The following CCDC146 variants were observed in gnomAD, a reference collection of about 807,000 sequenced individuals.
The protein encoded by CCDC146 is coiled-coil domain-containing protein 146.
In CCDC146, 92 loss-of-function variants were observed where a neutral mutation model predicts 119.3. The observed-to-expected ratio is 0.77, with a 90% CI of 0.65 to 0.92. CCDC146 has a LOEUF of 0.92. Ranked by LOEUF, CCDC146 falls within the 40% of genes least tolerant of loss-of-function variation. CCDC146 has a pLI of 0.00. For synonymous variants in CCDC146, 372 were observed against 371.8 expected (o/e 1.00, Z -0.01); for missense variants, 1,000 against 1,103.0 (o/e 0.91, Z 1.32).
chr7:77,156,866 T>C (rs915680137), intron 1 of CCDC146, among the ~76,000 whole-genome samples: 6 of 151,674 alleles, frequency 4.0e-5, no homozygotes, highest in Non-Finnish European at 8.8e-5. Context: ...GAGCCTTAAA[T>C]TTTATAGACT....
At chr7:77,152,357 G>A (rs931340224) in intron 1 of CCDC146, among the ~76,000 whole-genome samples, 4 of 152,144 alleles carry the variant, frequency 2.6e-5, no homozygotes, top group African/African-American at 9.7e-5. Context: ...TTGAGTAAGG[G>A]ATGCTGCCCC....
intron 5 of CCDC146, 65 bp from the exon 6 acceptor site, chr7:77,256,268 C>T: frequency 8.4e-7 from 1 of 1,190,342 alleles, no homozygotes; most frequent in Non-Finnish European, 1.2e-6. Context: ...AGTTTTAGTT[C>T]AGTTTTTAGG....
chr7:77,241,843 A>G lies in CCDC146; in HGVS notation c.392A>G (p.Gln131Arg). ...ATGAGAGAACAACTTCTCAAGTATC[A>G]AAATGAATATAATGCAGTGAAGGAA... The part of the protein sequence containing the change: ...SKMREQLLKY[Q>R]NEYNAVKERE... The change falls in exon 4 of 19, where the codon CAA (glutamine) becomes CGA (arginine). Residue 131 changes from glutamine to arginine, a missense_variant. Gln to Arg is a conservative substitution (Grantham distance 43). This residue lies in a region of CCDC146 where 985 missense variants were observed against 1,045.3 expected (regional missense o/e 0.94). Coordinates refer to ENST00000285871, the MANE Select transcript of CCDC146 (RefSeq NM_020879.3). The G allele has an allele frequency of 1.2e-6, 2 of 1,614,110 alleles. No homozygotes were observed. Among genetic ancestry groups the G allele is most frequent in the Non-Finnish European group, 1.7e-6 (2 of 1,179,992 alleles).
chr7:77,271,374 G>T (rs966912096), intron 9 of CCDC146, among the ~76,000 whole-genome samples: 1 of 151,300 alleles, frequency 6.6e-6, no homozygotes, highest in Non-Finnish European at 1.5e-5. Context: ...AGTTTCTTCA[G>T]TTTTGGGACT....
intron 2 of CCDC146, among the ~76,000 whole-genome samples, chr7:77,212,787 A>C (rs1478999094): frequency 1.3e-5 from 2 of 152,064 alleles, no homozygotes; most frequent in African/African-American, 4.8e-5. Flanking sequence ...CTACATGGCA[A>C]GAGGTAAGGT....
At chr7:77,210,266 T>C (rs1332355177) in intron 2 of CCDC146, among the ~76,000 whole-genome samples, 3 of 152,356 alleles carry the variant, frequency 2.0e-5, no homozygotes, top group East Asian at 1.9e-4. Flanking sequence ...GTTTTGCTGC[T>C]TAGAAGTTTC....
In CCDC146 at chr7:77,276,773, T is replaced by C. The variant is rs114062521; in HGVS notation, c.1441-1979T>C. On this transcript the variant is annotated intron_variant, in intron 11 of 18. Transcript: ENST00000285871. ...ACAAGGAGAGGAGAGAGGAGAGATG[T>C]GGGAAGATCATCTTGGGCCAGGAGC... Among the ~76,000 whole-genome samples the C allele has an allele frequency of 9.3e-3, 1,411 of 152,060 alleles. 29 individuals are homozygous for C. Among genetic ancestry groups the C allele is most frequent in the African/African-American group, 0.032 (1,322 of 41,518 alleles).
At chr7:77,134,241 G>A (rs1443680617) in intron 1 of CCDC146, among the ~76,000 whole-genome samples, 2 of 152,030 alleles carry the variant, frequency 1.3e-5, no homozygotes, top group African/African-American at 4.8e-5. Flanking sequence ...TCATTTGAAA[G>A]TGGACTAGGA....
chr7:77,233,250 A>G (rs981108809), intron 2 of CCDC146, among the ~76,000 whole-genome samples: 2 of 151,870 alleles, frequency 1.3e-5, no homozygotes, highest in Admixed American at 1.3e-4. Context: ...CACCATGCCC[A>G]GCTAATTTTT....
intron 4 of CCDC146, among the ~76,000 whole-genome samples, chr7:77,248,750 C>A (rs1793001577): frequency 6.6e-6 from 1 of 152,190 alleles, no homozygotes; most frequent in Non-Finnish European, 1.5e-5. Context: ...ATATCGAACT[C>A]ATTTTGTTTA....
At chr7:77,202,596 G>T (rs1792013234) in intron 2 of CCDC146, among the ~76,000 whole-genome samples, 1 of 152,152 alleles carries the variant, frequency 6.6e-6, no homozygotes, top group African/African-American at 2.4e-5. Context: ...ACACTGACAG[G>T]TGACCTGCTA....
chr7:77,155,285 C>T (rs1249758319), intron 1 of CCDC146, among the ~76,000 whole-genome samples: 1 of 152,108 alleles, frequency 6.6e-6, no homozygotes, highest in Admixed American at 6.5e-5. Flanking sequence ...TTTTGCTCAG[C>T]TCAGCCTTGC....
intron 1 of CCDC146, among the ~76,000 whole-genome samples, chr7:77,164,006 C>G (rs983480302): frequency 1.6e-4 from 25 of 151,868 alleles, no homozygotes; most frequent in African/African-American, 5.1e-4. Context: ...ATTACAGGCA[C>G]ATGCCACCAT....
intron 2 of CCDC146, among the ~76,000 whole-genome samples, chr7:77,216,990 T>C (rs6955331): frequency 0.025 from 3,844 of 152,282 alleles, 142 homozygotes; most frequent in East Asian, 0.14. Flanking sequence ...GTGTGTGTTT[T>C]ATTGTATTGA....
At chr7:77,263,993 A>AT in intron 9 of CCDC146, among the ~76,000 whole-genome samples, 1 of 152,192 alleles carries the variant, frequency 6.6e-6, no homozygotes, top group African/African-American at 2.4e-5. Context: ...CAAAACCAAT[A>AT]AAACATGTAT....
intron 2 of CCDC146, chr7:77,198,104 TA>T: frequency 2.0e-6 from 2 of 984,900 alleles, no homozygotes; most frequent in Non-Finnish European, 2.4e-6. Flanking sequence ...TAATCTAATG[TA>T]TACCCACTGA....
In CCDC146 at chr7:77,236,919, AAC is replaced by A. The variant is rs747152026; in HGVS notation, c.157-26_157-25del. 3 of 1,538,324 alleles carry A rather than the reference AAC, an allele frequency of 2.0e-6. No homozygotes were observed. In the African/African-American group the frequency reaches 4.1e-5, roughly 21 times the overall value. ...CTTAAGCCTAAAGAGAATGGTGATT[AAC>A]AGTGACCTTATGTTCTCTTTGCTAG... On this transcript the variant is annotated intron_variant, in intron 2 of 18. Transcript: ENST00000285871.
intron 4 of CCDC146, among the ~76,000 whole-genome samples, chr7:77,252,826 G>C (rs577594859): frequency 6.6e-6 from 1 of 152,350 alleles, no homozygotes; most frequent in South Asian, 2.1e-4. Context: ...ATGCAGCCAC[G>C]TCTGTCCTTA....
chr7:77,288,018 C>T (rs1340184171), intron 17 of CCDC146, among the ~76,000 whole-genome samples: 1 of 152,180 alleles, frequency 6.6e-6, no homozygotes, highest in Non-Finnish European at 1.5e-5. Flanking sequence ...AACACCCAGA[C>T]CAACTGCACC....
Sources: gnomAD v4.1 joint callset for allele counts (sites outside exome capture counted in the v4.1 genomes callset) on GRCh38, gnomAD v4.1.1 for gene constraint, gnomAD v4.1.1 regional missense constraint, MANE v1.5 for transcripts, NCBI Gene and HGNC (gene_info 2026-07-23, HGNC 2026-07-21) for gene names.